The following SORCS2 variants were observed in gnomAD, a reference collection of about 807,000 sequenced individuals.
The protein encoded by SORCS2 is sortilin related VPS10 domain containing receptor 2.
SORCS2 carries 100 observed loss-of-function variants against 141.6 expected under a neutral mutation model. That is an observed-to-expected ratio of 0.71 (90% CI 0.60 to 0.83). SORCS2 has a LOEUF of 0.83. Ranked by LOEUF, SORCS2 falls within the 40% of genes least tolerant of loss-of-function variation. The pLI, the probability that SORCS2 is intolerant of heterozygous loss-of-function variation, is 0.00. For synonymous variants in SORCS2, 789 were observed against 676.9 expected (o/e 1.17, Z -2.57); for missense variants, 1,646 against 1,560.2 (o/e 1.05, Z -0.93).
In SORCS2 at chr4:7,663,388, G is replaced by A. The variant is rs1039101591; in HGVS notation, c.953-965G>A. ...TAGACTGTTGACTGATCCTGCCCCT[G>A]AGCTAGTCATTTCACTGCATCTCCA... is the stretch of plus-strand genomic sequence containing the variant. On this transcript the variant is annotated intron_variant, in intron 6 of 26. Coordinates refer to ENST00000507866, the MANE Select transcript of SORCS2 (RefSeq NM_020777.3). The surrounding 1 kb of genome is among the most constrained non-coding windows in gnomAD (Gnocchi z 4.8). Among the ~76,000 whole-genome samples the A allele has an allele frequency of 6.6e-6, 1 of 152,234 alleles. No homozygotes were observed. The highest frequency in any genetic ancestry group is 1.5e-5 in the Non-Finnish European group (1 of 68,034).
intron 2 of SORCS2, among the ~76,000 whole-genome samples, chr4:7,475,231 A>G (rs1730221140): frequency 6.6e-6 from 1 of 152,140 alleles, no homozygotes; most frequent in Admixed American, 6.5e-5. Flanking sequence ...GCAGGTGGAA[A>G]GTCCCAGGCA....
At chr4:7,498,770 CG>C (rs1215174934) in intron 2 of SORCS2, among the ~76,000 whole-genome samples, 1 of 152,220 alleles carries the variant, frequency 6.6e-6, no homozygotes, top group Non-Finnish European at 1.5e-5. Flanking sequence ...CAGGGCTGCC[CG>C]GGAGCTGGGA....
At chr4:7,595,839 A>C (rs1717239306) in intron 3 of SORCS2, among the ~76,000 whole-genome samples, 2 of 152,182 alleles carry the variant, frequency 1.3e-5, no homozygotes. Flanking sequence ...TCTAGGCACC[A>C]GGCACCGTCA....
intron 2 of SORCS2, among the ~76,000 whole-genome samples, chr4:7,455,041 G>C (rs1728791660): frequency 2.8e-5 from 1 of 35,322 alleles, no homozygotes; most frequent in South Asian, 3.1e-3. Flanking sequence ...GTCAGGTGCT[G>C]TGTGTTGGGG....
At chr4:7,440,927 C>T (rs2884810) in intron 2 of SORCS2, among the ~76,000 whole-genome samples, 6 of 151,896 alleles carry the variant, frequency 4.0e-5, no homozygotes, top group African/African-American at 7.3e-5. Context: ...TGGCTCTTTG[C>T]GGTGGAGAGA....
chr4:7,675,805 C>T (rs537340921), intron 8 of SORCS2, among the ~76,000 whole-genome samples: 2 of 152,288 alleles, frequency 1.3e-5, no homozygotes, highest in East Asian at 1.9e-4. Flanking sequence ...TCCCATAACC[C>T]GGCGTAGAGC....
At chr4:7,523,181 T>C (rs921172871) in intron 2 of SORCS2, among the ~76,000 whole-genome samples, 1 of 151,780 alleles carries the variant, frequency 6.6e-6, no homozygotes, top group Non-Finnish European at 1.5e-5. Context: ...ATCCACAGAT[T>C]CTAGGGAGAA....
rs374246564 is a variant in SORCS2, at chr4:7,704,273, G to C, written c.1857G>C (p.Thr619=). The C allele has an allele frequency of 6.2e-7, 1 of 1,611,012 alleles. No homozygotes were observed. Among genetic ancestry groups the C allele is most frequent in the African/African-American group, 1.3e-5 (1 of 74,902 alleles). The change falls in exon 14 of 27, where the codon ACG becomes ACC. Residue 619 remains threonine (T), a synonymous_variant. Coordinates refer to ENST00000507866, the MANE Select transcript of SORCS2 (RefSeq NM_020777.3). The part of the protein sequence containing the change: ...DGLLSEPGDE[T]LVMTVFGHIS... ...TGCTGAGTGAGCCAGGGGACGAGAC[G>C]CTGGTCATGACGTGAGTGCGGGGAC...
intron 2 of SORCS2, among the ~76,000 whole-genome samples, chr4:7,420,807 C>T (rs574227569): frequency 4.6e-5 from 7 of 152,292 alleles, no homozygotes; most frequent in African/African-American, 9.6e-5. Context: ...CCAGCCAGCC[C>T]GCCTGCCACC....
At chr4:7,285,948 G>C in intron 1 of SORCS2, among the ~76,000 whole-genome samples, 1 of 152,286 alleles carries the variant, frequency 6.6e-6, no homozygotes, top group South Asian at 2.1e-4. Flanking sequence ...GCAGTGTAGC[G>C]TGGAGGCCCA....
At chr4:7,622,237 T>C (rs1293054749) in intron 3 of SORCS2, among the ~76,000 whole-genome samples, 1 of 152,086 alleles carries the variant, frequency 6.6e-6, no homozygotes, top group African/African-American at 2.4e-5. Context: ...GGTGACCCAC[T>C]TCAAAAGGGG....
chr4:7,195,666 A>G (rs7697353), intron 1 of SORCS2, among the ~76,000 whole-genome samples: 36,295 of 152,148 alleles, frequency 0.24, 4,624 homozygotes, highest in South Asian at 0.41. Context: ...TGCTTGTTGC[A>G]TGCGTAGTAT....
Position 7,683,776 on chromosome 4 carries a change from A to C in SORCS2, c.1488+887A>C, listed in dbSNP as rs113665619. Among the ~76,000 whole-genome samples, 1,270 of 152,280 alleles carry C rather than the reference A, an allele frequency of 8.3e-3. 7 individuals carry two copies. The highest frequency in any genetic ancestry group is 0.014 in the Non-Finnish European group (930 of 68,016). ...AGCCCCAAAGCTGGTCCACTATCCCAGGGGCACCTTTCTACATGAATAGAA... is the reference window on the plus strand; with the variant it reads ...AGCCCCAAAGCTGGTCCACTATCCCCGGGGCACCTTTCTACATGAATAGAA... On this transcript the variant is annotated intron_variant, in intron 10 of 26. Transcript: ENST00000507866.
intron 2 of SORCS2, among the ~76,000 whole-genome samples, chr4:7,491,947 A>G (rs10022557): frequency 0.36 from 54,144 of 152,120 alleles, 10,024 homozygotes; most frequent in Middle Eastern, 0.48. Flanking sequence ...AGCACCATGA[A>G]TGTTGGCCAC....
chr4:7,296,453 C>T lies in SORCS2; in HGVS notation c.481-99835C>T, dbSNP rs367972315. The stretch of plus-strand genomic sequence containing the variant: ...GGACTCCTGGGGACAACCCAAATCA[C>T]GGGCAGGGTGGCAGAGACAGAGAGG... On this transcript the variant is annotated intron_variant, in intron 1 of 26. Coordinates refer to ENST00000507866, the MANE Select transcript of SORCS2 (RefSeq NM_020777.3). Among the ~76,000 whole-genome samples the T allele has an allele frequency of 1.3e-3, 198 of 152,296 alleles. 1 individual carries two copies. Among genetic ancestry groups the T allele is most frequent in the African/African-American group, 4.5e-3 (186 of 41,576 alleles).
chr4:7,416,153 G>C (rs60797481), intron 2 of SORCS2, among the ~76,000 whole-genome samples: 9,736 of 152,192 alleles, frequency 0.064, 422 homozygotes, highest in Admixed American at 0.15. Context: ...CCTGGACTCT[G>C]TTCTGTAGGT....
chr4:7,474,863 A>T (rs528243955), intron 2 of SORCS2, among the ~76,000 whole-genome samples: 1 of 152,072 alleles, frequency 6.6e-6, no homozygotes, highest in Admixed American at 6.5e-5. Context: ...GGCTCCCTCT[A>T]TGGGCTCCTG....
At chr4:7,246,919 C>T (rs1291689466) in intron 1 of SORCS2, among the ~76,000 whole-genome samples, 2 of 152,340 alleles carry the variant, frequency 1.3e-5, no homozygotes, top group South Asian at 2.1e-4. Flanking sequence ...GTCCTCCCTC[C>T]GTCCAGGCTC....
chr4:7,339,430 G>C (rs529799210), intron 1 of SORCS2, among the ~76,000 whole-genome samples: 1 of 152,208 alleles, frequency 6.6e-6, no homozygotes, highest in East Asian at 1.9e-4. Context: ...GCCTGAGATC[G>C]AGGTGCCTGC....
Sources: gnomAD v4.1 joint callset for allele counts (sites outside exome capture counted in the v4.1 genomes callset) on GRCh38, gnomAD v4.1.1 for gene constraint, Gnocchi (gnomAD v3.1) non-coding constraint, MANE v1.5 for transcripts, NCBI Gene and HGNC (gene_info 2026-07-23, HGNC 2026-07-21) for gene names.